LRRC4C: variants seen among roughly 807,000 people sequenced by gnomAD.
LRRC4C encodes leucine-rich repeat-containing protein 4C.
Under a neutral mutation model 33.6 loss-of-function variants are expected in LRRC4C, and 5 were observed. The observed-to-expected ratio is 0.15, with a 90% CI of 0.08 to 0.31. The LOEUF (loss-of-function observed/expected upper bound fraction) is 0.31, where lower values mean the gene tolerates loss of function less well. LRRC4C is among the 10% of genes least tolerant of loss of function. The probability of loss-of-function intolerance (pLI) is 1.00; values close to 1 mark genes in which losing one functional copy is unlikely to be tolerated. For missense variants in LRRC4C, 560 were observed against 796.7 expected, an observed-to-expected ratio of 0.70 and a Z score of 3.58; for synonymous variants, 329 against 302.0, an observed-to-expected ratio of 1.09 and a Z score of -0.93.
intron 1 of LRRC4C, among the ~76,000 whole-genome samples, chr11:41,304,832 C>A (rs1459163885): frequency 1.0e-5 from 1 of 100,310 alleles, no homozygotes; most frequent in Non-Finnish European, 2.1e-5. Context: ...GGGTCAGCCC[C>A]CCGCCCGGCC....
chr11:41,012,329 T>G (rs184852198), intron 1 of LRRC4C, among the ~76,000 whole-genome samples: 2 of 152,186 alleles, frequency 1.3e-5, no homozygotes, highest in African/African-American at 2.4e-5. Flanking sequence ...TGAGAATATG[T>G]TATATTTGTT....
intron 4 of LRRC4C, among the ~76,000 whole-genome samples, chr11:40,261,748 C>T (rs958915621): frequency 1.1e-4 from 16 of 151,338 alleles, no homozygotes; most frequent in African/African-American, 3.6e-4. Flanking sequence ...AAAGGATTCC[C>T]TATTTAATAA....
chr11:40,334,132 G>C (rs1946490393), intron 3 of LRRC4C, among the ~76,000 whole-genome samples: 2 of 152,074 alleles, frequency 1.3e-5, no homozygotes, highest in African/African-American at 4.8e-5. Context: ...CTGTGTTTTA[G>C]TATGTATACA....
chr11:40,824,368 T>A (rs1952069308), intron 2 of LRRC4C, among the ~76,000 whole-genome samples: 1 of 151,912 alleles, frequency 6.6e-6, no homozygotes, highest in Non-Finnish European at 1.5e-5. Context: ...TTAAAATTTT[T>A]AAAAGTTATT....
intron 3 of LRRC4C, among the ~76,000 whole-genome samples, chr11:40,452,796 G>C (rs552887670): frequency 6.6e-6 from 1 of 152,174 alleles, no homozygotes; most frequent in East Asian, 1.9e-4. Context: ...GTCCAACAAT[G>C]ATAGACTGGA....
At chr11:40,538,900 G>A (rs1956588828) in intron 3 of LRRC4C, among the ~76,000 whole-genome samples, 1 of 152,138 alleles carries the variant, frequency 6.6e-6, no homozygotes, top group Admixed American at 6.5e-5. Context: ...CAGTGATGAT[G>A]AGCATTTTTT....
At chr11:40,148,802 T>C (rs1857956331) in intron 5 of LRRC4C, among the ~76,000 whole-genome samples, 1 of 152,200 alleles carries the variant, frequency 6.6e-6, no homozygotes, top group African/African-American at 2.4e-5. Flanking sequence ...TCCAGAGTTT[T>C]TATGGTTTTG....
intron 2 of LRRC4C, among the ~76,000 whole-genome samples, chr11:40,800,362 T>C (rs1950991634): frequency 1.3e-5 from 2 of 152,192 alleles, no homozygotes; most frequent in African/African-American, 4.8e-5. Flanking sequence ...CAGCATTTAT[T>C]GTTTGAGGGG....
chr11:40,751,921 A>C (rs1367174123), intron 2 of LRRC4C, among the ~76,000 whole-genome samples: 1 of 152,132 alleles, frequency 6.6e-6, no homozygotes, highest in Non-Finnish European at 1.5e-5. Flanking sequence ...GCAATGGAAC[A>C]AACAGAGAAC....
At chr11:40,934,754 T>A (rs1209744423) in intron 1 of LRRC4C, among the ~76,000 whole-genome samples, 1 of 152,108 alleles carries the variant, frequency 6.6e-6, no homozygotes, top group Non-Finnish European at 1.5e-5. Flanking sequence ...CTAATCCAGG[T>A]TTATGACTGA....
chr11:41,231,525 C>G (rs958023036), intron 1 of LRRC4C, among the ~76,000 whole-genome samples: 1 of 148,674 alleles, frequency 6.7e-6, no homozygotes, highest in Non-Finnish European at 1.5e-5. Flanking sequence ...GACAAAAAAC[C>G]AAACACCGCA....
intron 1 of LRRC4C, among the ~76,000 whole-genome samples, chr11:41,406,921 G>A (rs1954262754): frequency 6.6e-6 from 1 of 151,916 alleles, no homozygotes; most frequent in Non-Finnish European, 1.5e-5. Context: ...AACTTCAAAT[G>A]TTAGTTTTTT....
chr11:40,260,393 GGA>G (rs1315299358), intron 4 of LRRC4C, among the ~76,000 whole-genome samples: 3 of 147,226 alleles, frequency 2.0e-5, no homozygotes, highest in Middle Eastern at 3.5e-3. Context: ...CTCACACTCT[GGA>G]GACTGTTGTG....
chr11:40,387,412 G>C (rs1949154620), intron 3 of LRRC4C, among the ~76,000 whole-genome samples: 2 of 152,274 alleles, frequency 1.3e-5, no homozygotes, highest in South Asian at 4.1e-4. Context: ...GCAGGAATTA[G>C]GAAGCAGTAA....
intron 3 of LRRC4C, among the ~76,000 whole-genome samples, chr11:40,423,339 CTTT>C (rs35819704): frequency 3.3e-5 from 3 of 90,928 alleles, no homozygotes; most frequent in African/African-American, 8.4e-5. Flanking sequence ...TGTTCATGTT[CTTT>C]TTTTTTTTTT....
chr11:40,364,633 A>G (rs544310576), intron 3 of LRRC4C, among the ~76,000 whole-genome samples: 1 of 151,552 alleles, frequency 6.6e-6, no homozygotes, highest in Non-Finnish European at 1.5e-5. Context: ...ATTGTCAGAA[A>G]AGAATGTTTG....
chr11:40,124,646 A>G (rs1376878194), intron 6 of LRRC4C, among the ~76,000 whole-genome samples: 1 of 152,178 alleles, frequency 6.6e-6, no homozygotes, highest in East Asian at 1.9e-4. Flanking sequence ...AATGATGGTT[A>G]TCAGAGACTG....
At position 40,797,155 on chromosome 11, in the gene LRRC4C, A is replaced by G. The variant is rs139177254; in HGVS notation, c.-407+136480T>C. 1.8e-4 allele frequency among the ~76,000 whole-genome samples: 27 copies of G among 152,322 alleles called. No homozygotes were observed. The East Asian group carries it at 5.0e-3, about 28-fold the overall frequency. ...AAGGGAGATAATTAACAAATTGGAGAGAAAAAAATTTTTAAAGGATAGAGA... is the reference window on the plus strand; with the variant it reads ...AAGGGAGATAATTAACAAATTGGAGGGAAAAAAATTTTTAAAGGATAGAGA... On this transcript the variant is annotated intron_variant, in intron 2 of 6. Coordinates refer to ENST00000528697, the MANE Select transcript of LRRC4C (RefSeq NM_001258419.2).
At chr11:40,710,026 T>C (rs1358584667) in intron 2 of LRRC4C, among the ~76,000 whole-genome samples, 1 of 152,154 alleles carries the variant, frequency 6.6e-6, no homozygotes, top group East Asian at 1.9e-4. Flanking sequence ...CATGCCATGG[T>C]TTTCAGCTCC....
Sources: gnomAD v4.1 joint callset for allele counts (sites outside exome capture counted in the v4.1 genomes callset) on GRCh38, gnomAD v4.1.1 for gene constraint, MANE v1.5 for transcripts, NCBI Gene and HGNC (gene_info 2026-07-23, HGNC 2026-07-21) for gene names.